ROR2: variants seen among roughly 807,000 people sequenced by gnomAD.
ROR2 encodes tyrosine-protein kinase transmembrane receptor ROR2.
ROR2 carries 33 observed loss-of-function variants against 74.9 expected under a neutral mutation model. The ratio of observed to expected loss-of-function variants is 0.44; its 90% confidence interval spans 0.33 to 0.59. The LOEUF is 0.59. Ranked by LOEUF, ROR2 falls within the 20% of genes least tolerant of loss-of-function variation. ROR2 has a pLI of 0.02. For synonymous variants in ROR2, 586 were observed against 558.7 expected (o/e 1.05, Z -0.69); for missense variants, 1,216 against 1,313.8 (o/e 0.93, Z 1.15).
intron 1 of ROR2, among the ~76,000 whole-genome samples, chr9:91,899,025 C>T (rs1830606180): frequency 6.6e-6 from 1 of 152,188 alleles, no homozygotes; most frequent in Middle Eastern, 3.2e-3. Context: ...ACAGAGAGGG[C>T]AGCGGAAATG....
chr9:91,921,996 A>G (rs984636894), intron 1 of ROR2, among the ~76,000 whole-genome samples: 3 of 151,902 alleles, frequency 2.0e-5, no homozygotes, highest in Admixed American at 2.0e-4. Flanking sequence ...GCATGAAAAG[A>G]TGTCATCATT....
At chr9:91,747,576 G>T (rs1825464373) in intron 4 of ROR2, among the ~76,000 whole-genome samples, 1 of 152,222 alleles carries the variant, frequency 6.6e-6, no homozygotes, top group Non-Finnish European at 1.5e-5. Context: ...AACAATGAAA[G>T]AATGCGAACT....
At chr9:91,800,907 T>C (rs773426879) in intron 1 of ROR2, among the ~76,000 whole-genome samples, 6 of 152,170 alleles carry the variant, frequency 3.9e-5, no homozygotes, top group Non-Finnish European at 5.9e-5. Flanking sequence ...TCTGACACCA[T>C]GTAAAAAGTG....
chr9:91,922,127 A>C (rs1349686537), intron 1 of ROR2, among the ~76,000 whole-genome samples: 3 of 148,462 alleles, frequency 2.0e-5, no homozygotes, highest in Non-Finnish European at 3.0e-5. Context: ...ACAACAACAA[A>C]CAACAACAAC....
At chr9:91,932,348 G>A (rs74663054) in intron 1 of ROR2, among the ~76,000 whole-genome samples, 1,521 of 152,022 alleles carry the variant, frequency 0.01, 15 homozygotes, top group South Asian at 0.031. Flanking sequence ...AAGACTTACC[G>A]CATGAAAACA....
intron 4 of ROR2, among the ~76,000 whole-genome samples, chr9:91,747,573 A>G (rs543637721): frequency 1.1e-4 from 16 of 152,362 alleles, no homozygotes; most frequent in African/African-American, 3.8e-4. Context: ...ACCAACAATG[A>G]AAGAATGCGA....
At chr9:91,735,282 G>A (rs563395554) in intron 5 of ROR2, among the ~76,000 whole-genome samples, 4 of 152,202 alleles carry the variant, frequency 2.6e-5, no homozygotes, top group African/African-American at 4.8e-5. Context: ...TGCACACAAC[G>A]CAGTCATTAC....
At chr9:91,805,847 T>G (rs1827530250) in intron 1 of ROR2, among the ~76,000 whole-genome samples, 1 of 152,150 alleles carries the variant, frequency 6.6e-6, no homozygotes, top group Non-Finnish European at 1.5e-5. Context: ...GCCCTCCCCA[T>G]GAGGGTGCAG....
Position 91,756,172 on chromosome 9 carries a change from G to T in ROR2, c.464-71C>A, listed in dbSNP as rs1183716968. 3.3e-6 allele frequency: 5 copies of T among 1,520,900 alleles called. No individual in the cohort carries two copies. The African/African-American group carries it at 4.1e-5, about 13-fold the overall frequency. 94.2% of individuals were successfully genotyped at this position (1,520,900 alleles called of 1,614,324 possible). On this transcript the variant is annotated intron_variant, in intron 3 of 8. Transcript: ENST00000375708. ...TGGAATACAACCTTCTTCAAATCAG[G>T]CCAGTGGCAAACAGGCTGAAGCCAG...
chr9:91,943,134 T>C (rs1266513371), intron 1 of ROR2, among the ~76,000 whole-genome samples: 1 of 152,158 alleles, frequency 6.6e-6, no homozygotes, highest in Non-Finnish European at 1.5e-5. Context: ...ACATCTGCCA[T>C]GCCCCCACCA....
chr9:91,944,776 G>C (rs1250692684), intron 1 of ROR2, among the ~76,000 whole-genome samples: 1 of 151,972 alleles, frequency 6.6e-6, no homozygotes, highest in East Asian at 1.9e-4. Flanking sequence ...TTAAGATGAT[G>C]GCCAGTGAGG....
chr9:91,833,930 C>T (rs1345765261), intron 1 of ROR2, among the ~76,000 whole-genome samples: 1 of 152,148 alleles, frequency 6.6e-6, no homozygotes. Flanking sequence ...TGGGATTTCT[C>T]TTTGTGTTCT....
intron 1 of ROR2, among the ~76,000 whole-genome samples, chr9:91,790,837 T>C (rs904296811): frequency 6.6e-6 from 1 of 152,196 alleles, no homozygotes; most frequent in African/African-American, 2.4e-5. Context: ...AATGTGTGTG[T>C]TTGTGCCTTC....
intron 1 of ROR2, among the ~76,000 whole-genome samples, chr9:91,815,334 C>T (rs888158608): frequency 5.9e-5 from 9 of 152,182 alleles, no homozygotes; most frequent in Non-Finnish European, 7.4e-5. Context: ...TATTACAGAG[C>T]GGTATAGCTT....
chr9:91,772,630 C>T (rs1337953575), intron 2 of ROR2, among the ~76,000 whole-genome samples: 1 of 152,202 alleles, frequency 6.6e-6, no homozygotes, highest in Non-Finnish European at 1.5e-5. Context: ...TACAGATGTG[C>T]CCACTTGACG....
chr9:91,827,175 C>G (rs1828322855), intron 1 of ROR2, among the ~76,000 whole-genome samples: 3 of 152,126 alleles, frequency 2.0e-5, no homozygotes, highest in Admixed American at 2.0e-4. Flanking sequence ...TAACTATATG[C>G]TCCATAAGGA....
chr9:91,880,864 T>A (rs934292350), intron 1 of ROR2, among the ~76,000 whole-genome samples: 1 of 152,166 alleles, frequency 6.6e-6, no homozygotes, highest in South Asian at 2.1e-4. Context: ...GACCCTGCAG[T>A]GAATCCTGCT....
chr9:91,883,796 T>C (rs1022193338), intron 1 of ROR2, among the ~76,000 whole-genome samples: 2 of 152,218 alleles, frequency 1.3e-5, no homozygotes, highest in Non-Finnish European at 2.9e-5. Flanking sequence ...TAGTGAATCA[T>C]TTCCAACAGA....
chr9:91,922,363 T>C (rs1831292587), intron 1 of ROR2, among the ~76,000 whole-genome samples: 1 of 152,242 alleles, frequency 6.6e-6, no homozygotes, highest in Non-Finnish European at 1.5e-5. Flanking sequence ...GCGTCTTCTC[T>C]GAGTCCCATC....
Sources: gnomAD v4.1 joint callset for allele counts (sites outside exome capture counted in the v4.1 genomes callset) on GRCh38, gnomAD v4.1.1 for gene constraint, MANE v1.5 for transcripts, NCBI Gene and HGNC (gene_info 2026-07-23, HGNC 2026-07-21) for gene names.